ERCC8: variants seen among roughly 807,000 people sequenced by gnomAD.
The protein encoded by ERCC8 is DNA excision repair protein ERCC-8.
ERCC8 carries 52 observed loss-of-function variants against 54.9 expected under a neutral mutation model. That is an observed-to-expected ratio of 0.95 (90% CI 0.76 to 1.19). The LOEUF (loss-of-function observed/expected upper bound fraction) is 1.19. ERCC8 is among the 50% of genes most tolerant of loss of function. ERCC8 has a pLI of 0.00. For missense variants in ERCC8, 514 were observed against 466.1 expected (o/e 1.10, Z -0.95); for synonymous variants, 146 against 157.2 (o/e 0.93, Z 0.53).
intron 2 of ERCC8, among the ~76,000 whole-genome samples, chr5:60,927,444 C>A (rs982452306): frequency 1.3e-5 from 2 of 152,156 alleles, no homozygotes; most frequent in Non-Finnish European, 2.9e-5. Flanking sequence ...TGCAATAAAG[C>A]GGAAAATCAC....
intron 11 of ERCC8, among the ~76,000 whole-genome samples, chr5:60,884,848 A>C (rs896135033): frequency 1.9e-4 from 29 of 152,138 alleles, no homozygotes; most frequent in Admixed American, 1.9e-3. Flanking sequence ...GTAAGGTTTT[A>C]TAGCTCTAAA....
At chr5:60,939,576 C>G (rs756396607) in intron 1 of ERCC8, among the ~76,000 whole-genome samples, 3 of 152,128 alleles carry the variant, frequency 2.0e-5, no homozygotes, top group Admixed American at 6.5e-5. Flanking sequence ...TTCACTGCAA[C>G]CTCCACCAAG....
chr5:60,868,531 A>C lies in ERCC8; in HGVS notation c.*6084T>G, dbSNP rs995301129. On this transcript the variant is annotated 3_prime_UTR_variant, in exon 12 of 12. Coordinates refer to ENST00000676185, the MANE Select transcript of ERCC8 (RefSeq NM_000082.4). ...ATTGTCTAATTATTAGGTTGGTGCA[A>C]AAGTAATTGCAGTTTTTGTGATTAC... 6.6e-6 allele frequency among the ~76,000 whole-genome samples: 1 copy of C among 152,176 alleles called. No homozygotes were observed. The highest frequency in any genetic ancestry group is 1.5e-5 in the Non-Finnish European group (1 of 68,022).
chr5:60,944,019 G>T (rs927715459), intron 1 of ERCC8, among the ~76,000 whole-genome samples: 2 of 152,136 alleles, frequency 1.3e-5, no homozygotes, highest in Non-Finnish European at 2.9e-5. Context: ...ATCTTCACAG[G>T]TTCCTCAATT....
rs1385341467 is a variant in ERCC8 at position 60,866,999 on chromosome 5, AT to A, written c.*7615del. ...AGCTGGGACTACAAGTGCCCGCCTAATTTTTTTTTTGTATTTTTAGTAAAGA... is the reference window on the plus strand; with the variant it reads ...AGCTGGGACTACAAGTGCCCGCCTAATTTTTTTTTGTATTTTTAGTAAAGA... On this transcript the variant is annotated 3_prime_UTR_variant, in exon 12 of 12. Coordinates refer to ENST00000676185, the MANE Select transcript of ERCC8 (RefSeq NM_000082.4). 8.2e-5 allele frequency: 12 copies of A among 146,898 alleles called. No individual in the cohort carries two copies. Among genetic ancestry groups the A allele is most frequent in the Non-Finnish European group, 1.4e-4 (9 of 66,234 alleles). The allele number at this position is 146,898 out of a possible 1,614,324, so 9.1% of individuals were successfully genotyped here. A position where few individuals can be genotyped will look rare whatever the true frequency, so the allele number is the denominator to read the frequency against.
intron 10 of ERCC8, among the ~76,000 whole-genome samples, chr5:60,889,955 C>G (rs6449511): frequency 0.99 from 151,177 of 152,208 alleles, 75,074 homozygotes; most frequent in East Asian, 1. Flanking sequence ...TTAGTTGCTG[C>G]GTTAAGGTGA....
rs1747798365 is a variant in ERCC8 at position 60,868,469 on chromosome 5, T to C, written c.*6146A>G. ...CAGAGAACTAAGAGAGGTCGCAACATAGTTCTTTAATTTTACCCCCTTCCT... is the reference window on the plus strand; with the variant it reads ...CAGAGAACTAAGAGAGGTCGCAACACAGTTCTTTAATTTTACCCCCTTCCT... On this transcript the variant is annotated 3_prime_UTR_variant, in exon 12 of 12. Transcript: ENST00000676185. Among the ~76,000 whole-genome samples, 1 of 152,172 alleles carries C rather than the reference T, an allele frequency of 6.6e-6. No individual in the cohort carries two copies. The highest frequency in any genetic ancestry group is 1.5e-5 in the Non-Finnish European group (1 of 68,014).
rs1395932543 is a variant in ERCC8, at chr5:60,944,982, T to C, written c.27A>G (p.Gln9=). The part of the protein sequence containing the change: MLGFLSAR[Q]TGLEDPLRLR... ...GGCGAAGAGGGTCCTCCAAACCCGT[T>C]TGGCGTGCGGACAAAAACCCCAGCA... Residue 9 remains glutamine, a synonymous_variant, in exon 1 of 12, where the codon CAA becomes CAG. Coordinates refer to ENST00000676185, the MANE Select transcript of ERCC8 (RefSeq NM_000082.4). 1 of 1,614,090 alleles carries C rather than the reference T, an allele frequency of 6.2e-7. No individual in the cohort carries two copies. Among genetic ancestry groups the C allele is most frequent in the Non-Finnish European group, 8.5e-7 (1 of 1,179,978 alleles).
intron 1 of ERCC8, among the ~76,000 whole-genome samples, chr5:60,942,651 G>A (rs1750295684): frequency 6.6e-6 from 1 of 152,114 alleles, no homozygotes; most frequent in African/African-American, 2.4e-5. Flanking sequence ...AGAGAAAGAA[G>A]GGAGACAGGG....
rs182876324 is a variant in ERCC8 at position 60,899,480 on chromosome 5, T to C, written c.718+147A>G. 1,791 of 609,548 alleles carry C rather than the reference T, an allele frequency of 2.9e-3. 5 individuals carry two copies. The highest frequency in any genetic ancestry group is 5.3e-3 in the South Asian group (281 of 53,080). 37.8% of individuals were successfully genotyped at this position (609,548 alleles called of 1,614,324 possible). A position where few individuals can be genotyped will look rare whatever the true frequency, so the allele number is the denominator to read the frequency against. Reference sequence around the variant, plus strand: ...AGAATCATAATTTAGTTTATGTAAATTAAGAAAGTGATATACGATGAATGC... The same window carrying C: ...AGAATCATAATTTAGTTTATGTAAACTAAGAAAGTGATATACGATGAATGC... On this transcript the variant is annotated intron_variant, in intron 8 of 11. Coordinates refer to ENST00000676185, the MANE Select transcript of ERCC8 (RefSeq NM_000082.4).
chr5:60,885,971 G>C (rs1032152938), intron 11 of ERCC8, among the ~76,000 whole-genome samples: 1 of 151,958 alleles, frequency 6.6e-6, no homozygotes, highest in African/African-American at 2.4e-5. Context: ...CTCCATTTAA[G>C]ATGCTTTTAC....
intron 9 of ERCC8, chr5:60,893,474 G>C: frequency 1.1e-6 from 1 of 945,394 alleles, no homozygotes; most frequent in East Asian, 2.4e-5. Context: ...CTGAGGAGCA[G>C]AGGGCACTTT....
intron 1 of ERCC8, among the ~76,000 whole-genome samples, chr5:60,940,700 C>T (rs1315721676): frequency 1.3e-5 from 2 of 152,312 alleles, no homozygotes; most frequent in Admixed American, 6.5e-5. Context: ...GAATGGCATA[C>T]ACCTGGGGAA....
chr5:60,903,557 T>C (rs763429701), intron 6 of ERCC8, 91 bp downstream of exon 6: 4 of 1,578,850 alleles, frequency 2.5e-6, no homozygotes, highest in Non-Finnish European at 3.5e-6. Flanking sequence ...ACATTAGTCA[T>C]GTCACTTACA....
At chr5:60,917,997 C>T (rs1203743732) in intron 4 of ERCC8, 2 of 426,090 alleles carry the variant, frequency 4.7e-6, no homozygotes, top group Non-Finnish European at 8.8e-6. Flanking sequence ...CATATTTTGG[C>T]TCATTTAATC....
At position 60,939,550 on chromosome 5, in the gene ERCC8, G is replaced by A. The variant is rs1750195342; in HGVS notation, c.77+5382C>T. Among the ~76,000 whole-genome samples the A allele has an allele frequency of 2.6e-5, 4 of 151,928 alleles. No homozygotes were observed. In the South Asian group the frequency reaches 8.3e-4, roughly 32 times the overall value. On this transcript the variant is annotated intron_variant, in intron 1 of 11. Transcript: ENST00000676185. ...TCTCGCTCTGTCACCCAGGCTGGAG[G>A]GTGGCACAGTCTCAGTTCACTGCAA...
chr5:60,883,053 C>A (rs1275150758), intron 11 of ERCC8, among the ~76,000 whole-genome samples: 1 of 151,786 alleles, frequency 6.6e-6, no homozygotes, highest in African/African-American at 2.4e-5. Flanking sequence ...CCTAATCCTA[C>A]TATGGAAGCC....
Position 60,940,606 on chromosome 5 carries a change from T to C in ERCC8, c.77+4326A>G, listed in dbSNP as rs76994019. Among the ~76,000 whole-genome samples, 859 of 152,252 alleles carry C rather than the reference T, an allele frequency of 5.6e-3. 10 individuals are homozygous for C. The highest frequency in any genetic ancestry group is 0.02 in the African/African-American group (831 of 41,548). ...ATAAACTCCAGAACTCATCCCTGAGTGAGGCATGCATAGATCTAACCCTGA... is the reference window on the plus strand; with the variant it reads ...ATAAACTCCAGAACTCATCCCTGAGCGAGGCATGCATAGATCTAACCCTGA... On this transcript the variant is annotated intron_variant, in intron 1 of 11. Coordinates refer to ENST00000676185, the MANE Select transcript of ERCC8 (RefSeq NM_000082.4).
Position 60,867,308 on chromosome 5 carries a change from G to T in ERCC8, c.*7307C>A, listed in dbSNP as rs1030928728. ...CTTGCTCTGTCACTCAGGGTGGAGT[G>T]CAGTGGGGCGATCTCGGCTCACTGC... On this transcript the variant is annotated 3_prime_UTR_variant, in exon 12 of 12. Transcript: ENST00000676185. 4.6e-5 allele frequency among the ~76,000 whole-genome samples: 7 copies of T among 151,928 alleles called. No individual in the cohort carries two copies. Among genetic ancestry groups the T allele is most frequent in the Admixed American group, 4.6e-4 (7 of 15,272 alleles).
Sources: gnomAD v4.1 joint callset for allele counts (sites outside exome capture counted in the v4.1 genomes callset) on GRCh38, gnomAD v4.1.1 for gene constraint, MANE v1.5 for transcripts, NCBI Gene and HGNC (gene_info 2026-07-23, HGNC 2026-07-21) for gene names.